MACROD2: variants seen among roughly 807,000 people sequenced by gnomAD.
MACROD2 encodes the protein ADP-ribose glycohydrolase MACROD2.
Under a neutral mutation model 70.4 loss-of-function variants are expected in MACROD2, and 36 were observed. The observed-to-expected ratio is 0.51, with a 90% CI of 0.39 to 0.68. The LOEUF is 0.68. Among genes scored for constraint, MACROD2 ranks in the 30% least tolerant of loss-of-function variants. The pLI is 0.00. For synonymous variants in MACROD2, 172 were observed against 178.8 expected (o/e 0.96, Z 0.30); for missense variants, 496 against 538.4 (o/e 0.92, Z 0.78).
At chr20:14,887,399 GTTTT>G (rs11476428) in intron 5 of MACROD2, among the ~76,000 whole-genome samples, 24,710 of 144,656 alleles carry the variant, frequency 0.17, 2,276 homozygotes, top group Middle Eastern at 0.28. Flanking sequence ...AGCTTTTTTT[GTTTT>G]TTTTTTTTTT....
At chr20:14,185,607 T>C (rs536028074) in intron 3 of MACROD2, among the ~76,000 whole-genome samples, 8 of 152,214 alleles carry the variant, frequency 5.3e-5, no homozygotes, top group African/African-American at 1.9e-4. Flanking sequence ...TTTAAGATAG[T>C]AAAAATATAA....
intron 6 of MACROD2, among the ~76,000 whole-genome samples, chr20:15,277,246 T>C (rs1035539018): frequency 6.6e-6 from 1 of 152,198 alleles, no homozygotes; most frequent in Non-Finnish European, 1.5e-5. Context: ...TGATTCATTA[T>C]AAAAAGCAAG....
At chr20:14,145,737 T>C (rs2148708272) in intron 3 of MACROD2, among the ~76,000 whole-genome samples, 1 of 152,348 alleles carries the variant, frequency 6.6e-6, no homozygotes, top group African/African-American at 2.4e-5. Context: ...ATTCTACTTG[T>C]TTCTCACAAT....
intron 5 of MACROD2, among the ~76,000 whole-genome samples, chr20:14,754,040 A>C (rs1365232917): frequency 1.3e-5 from 2 of 152,168 alleles, no homozygotes; most frequent in Non-Finnish European, 2.9e-5. Flanking sequence ...GATGGAAATC[A>C]ACAAATTATT....
chr20:15,914,306 A>G (rs1222713052), intron 10 of MACROD2, among the ~76,000 whole-genome samples: 2 of 152,208 alleles, frequency 1.3e-5, no homozygotes, highest in Non-Finnish European at 2.9e-5. Context: ...TTGGGAGGTG[A>G]AGGTCATTTC....
At chr20:15,241,608 T>G (rs1163390921) in intron 6 of MACROD2, among the ~76,000 whole-genome samples, 2 of 152,100 alleles carry the variant, frequency 1.3e-5, no homozygotes, top group Non-Finnish European at 2.9e-5. Flanking sequence ...CATGTTTTAT[T>G]GGGCAGTATG....
chr20:14,217,932 A>G (rs1427435239), intron 3 of MACROD2, among the ~76,000 whole-genome samples: 2 of 152,092 alleles, frequency 1.3e-5, no homozygotes, highest in African/African-American at 2.4e-5. Flanking sequence ...TTTATGGCCT[A>G]TCATATGGTC....
chr20:14,458,707 C>T (rs1185907713), intron 3 of MACROD2, among the ~76,000 whole-genome samples: 1 of 151,578 alleles, frequency 6.6e-6, no homozygotes, highest in Non-Finnish European at 1.5e-5. Context: ...CAACATACTA[C>T]TAAATATAAA....
chr20:14,726,155 T>C (rs2071527550), intron 5 of MACROD2, among the ~76,000 whole-genome samples: 1 of 152,214 alleles, frequency 6.6e-6, no homozygotes, highest in African/African-American at 2.4e-5. Flanking sequence ...AATGGCTCAG[T>C]AATTCTCCTT....
intron 3 of MACROD2, among the ~76,000 whole-genome samples, chr20:14,195,456 C>T (rs2081422761): frequency 2.0e-5 from 3 of 152,218 alleles, no homozygotes; most frequent in African/African-American, 7.2e-5. Context: ...CTGGCTAGGG[C>T]TCCGCCTCCA....
intron 5 of MACROD2, among the ~76,000 whole-genome samples, chr20:15,174,669 T>C (rs969848286): frequency 4.6e-4 from 70 of 152,354 alleles, no homozygotes; most frequent in Non-Finnish European, 9.1e-4. Flanking sequence ...GCACCTGTTG[T>C]GTCCTGACTT....
chr20:15,972,705 G>C (rs1290597905), intron 13 of MACROD2, among the ~76,000 whole-genome samples: 1 of 152,092 alleles, frequency 6.6e-6, no homozygotes, highest in African/African-American at 2.4e-5. Flanking sequence ...AGCTACTTGG[G>C]AGGCTGAGTC....
At chr20:14,625,489 A>G (rs1038653968) in intron 4 of MACROD2, among the ~76,000 whole-genome samples, 3 of 152,194 alleles carry the variant, frequency 2.0e-5, no homozygotes, top group Admixed American at 2.0e-4. Context: ...TAAAAATAAA[A>G]TAGAGAAAAT....
chr20:16,028,473 A>G (rs538273321), intron 15 of MACROD2, among the ~76,000 whole-genome samples: 1 of 151,848 alleles, frequency 6.6e-6, no homozygotes, highest in Non-Finnish European at 1.5e-5. Flanking sequence ...TTTCCAAACC[A>G]TTCTCAAAGA....
intron 5 of MACROD2, among the ~76,000 whole-genome samples, chr20:14,847,586 G>A (rs1600721483): frequency 6.6e-6 from 1 of 150,572 alleles, no homozygotes; most frequent in South Asian, 2.1e-4. Flanking sequence ...TGCAAATGAG[G>A]CACACTTCAA....
At chr20:14,339,124 T>C (rs1568567320) in intron 3 of MACROD2, among the ~76,000 whole-genome samples, 1 of 152,228 alleles carries the variant, frequency 6.6e-6, no homozygotes, top group East Asian at 1.9e-4. Context: ...AGTTTATCTA[T>C]TTATATATTT....
At chr20:14,553,381 ACCTG>A (rs1301079805) in intron 4 of MACROD2, among the ~76,000 whole-genome samples, 3 of 147,972 alleles carry the variant, frequency 2.0e-5, no homozygotes, top group African/African-American at 7.5e-5. Flanking sequence ...CTCCTAAAGG[ACCTG>A]CCTGAGGCTG....
chr20:15,083,672 G>C (rs182298852), intron 5 of MACROD2, among the ~76,000 whole-genome samples: 1 of 151,926 alleles, frequency 6.6e-6, no homozygotes, highest in Non-Finnish European at 1.5e-5. Flanking sequence ...TTAGAGCAAA[G>C]CATGTAGCAC....
At chr20:14,398,696 T>C (rs1181016070) in intron 3 of MACROD2, among the ~76,000 whole-genome samples, 2 of 152,200 alleles carry the variant, frequency 1.3e-5, no homozygotes, top group African/African-American at 2.4e-5. Flanking sequence ...TGCAAATATT[T>C]TCTTCCGTCC....
Sources: gnomAD v4.1 joint callset for allele counts (sites outside exome capture counted in the v4.1 genomes callset) on GRCh38, gnomAD v4.1.1 for gene constraint, MANE v1.5 for transcripts, NCBI Gene and HGNC (gene_info 2026-07-23, HGNC 2026-07-21) for gene names.